Variants in HACE1 observed in about 807,000 individuals in gnomAD.
HACE1 encodes the protein HECT domain and ankyrin repeat containing E3 ubiquitin protein ligase 1, also known as E3 ubiquitin-protein ligase HACE1.
HACE1 carries 73 observed loss-of-function variants against 118.4 expected under a neutral mutation model. The ratio of observed to expected loss-of-function variants is 0.62; its 90% CI spans 0.51 to 0.75. The LOEUF (loss-of-function observed/expected upper bound fraction) is 0.75. HACE1 is among the 30% of genes least tolerant of loss of function. The pLI is 0.00. For synonymous variants in HACE1, 368 were observed against 374.8 expected (o/e 0.98, Z 0.21); for missense variants, 749 against 1,102.2 (o/e 0.68, Z 4.54).
chr6:104,770,073 T>C (rs543875420), intron 19 of HACE1, among the ~76,000 whole-genome samples: 1 of 152,204 alleles, frequency 6.6e-6, no homozygotes, highest in African/African-American at 2.4e-5. Context: ...TTCGAAGAAT[T>C]GTTAAACATA....
chr6:104,771,027 A>G (rs544518422), intron 19 of HACE1, among the ~76,000 whole-genome samples, 166 bp downstream of exon 19: 43 of 152,316 alleles, frequency 2.8e-4, no homozygotes, highest in African/African-American at 1.0e-3. Context: ...AATCCTTTCT[A>G]ATTCAAAATT....
At chr6:104,850,684 T>C (rs1435860664) in intron 3 of HACE1, among the ~76,000 whole-genome samples, 1 of 152,188 alleles carries the variant, frequency 6.6e-6, no homozygotes, top group Non-Finnish European at 1.5e-5. Flanking sequence ...CCTACTCTCA[T>C]CTGATATAAA....
At chr6:104,785,453 G>A (rs1782284776) in intron 11 of HACE1, 134 bp from the exon 12 acceptor site, 3 of 652,922 alleles carry the variant, frequency 4.6e-6, no homozygotes, top group East Asian at 5.4e-5. Flanking sequence ...CCAAGTTAAC[G>A]TGATAGTAAT....
intron 4 of HACE1, among the ~76,000 whole-genome samples, chr6:104,848,218 G>A (rs1490411677): frequency 6.6e-5 from 10 of 151,534 alleles, no homozygotes; most frequent in Non-Finnish European, 1.5e-5. Flanking sequence ...CACTTTGGGA[G>A]GCCGAGGTGG....
chr6:104,728,950 T>A lies in HACE1; in HGVS notation c.*712A>T, dbSNP rs1489355647. 6.6e-6 allele frequency: 1 copy of A among 152,578 alleles called. No homozygotes were observed. The highest frequency in any genetic ancestry group is 1.5e-5 in the Non-Finnish European group (1 of 68,004). 9.5% of individuals were successfully genotyped at this position (152,578 alleles called of 1,614,324 possible). A position where few individuals can be genotyped will look rare whatever the true frequency, so the allele number is the denominator to read the frequency against. ...AAAATACATTTTAATTTTACCTTCA[T>A]TATAAATTAAAATGAGGCGTAAGAA... On this transcript the variant is annotated 3_prime_UTR_variant, in exon 24 of 24. Coordinates refer to ENST00000262903, the MANE Select transcript of HACE1 (RefSeq NM_020771.4).
At chr6:104,802,883 T>C (rs1770538697) in intron 7 of HACE1, among the ~76,000 whole-genome samples, 1 of 151,838 alleles carries the variant, frequency 6.6e-6, no homozygotes, top group African/African-American at 2.4e-5. Context: ...CTGAAGGAAA[T>C]AGAGACACAA....
At chr6:104,831,980 G>GAAGAGAAGAAGGA (rs71003447) in intron 6 of HACE1, among the ~76,000 whole-genome samples, 1 of 62,862 alleles carries the variant, frequency 1.6e-5, no homozygotes, top group African/African-American at 7.4e-5. Context: ...GAAGAGAAGA[G>GAAGAGAAGAAGGA]AGGAAGGAAG....
chr6:104,812,211 G>A (rs1771697325), intron 6 of HACE1, among the ~76,000 whole-genome samples: 1 of 152,092 alleles, frequency 6.6e-6, no homozygotes, highest in East Asian at 1.9e-4. Context: ...TAAAACATGA[G>A]GCAATAGGTG....
chr6:104,776,089 T>C (rs188105855), intron 17 of HACE1, among the ~76,000 whole-genome samples: 97 of 152,342 alleles, frequency 6.4e-4, no homozygotes, highest in African/African-American at 1.2e-3. Flanking sequence ...TACGACTCTA[T>C]AGGGCACAAG....
At chr6:104,800,467 C>T (rs1205714451) in intron 7 of HACE1, among the ~76,000 whole-genome samples, 1 of 152,096 alleles carries the variant, frequency 6.6e-6, no homozygotes, top group African/African-American at 2.4e-5. Context: ...CTAGTAGGGG[C>T]AACAGACACC....
intron 14 of HACE1, 67 bp downstream of exon 14, chr6:104,784,019 A>C (rs1239365482): frequency 1.2e-6 from 1 of 818,306 alleles, no homozygotes; most frequent in Non-Finnish European, 2.2e-6. Flanking sequence ...TTATTCCACT[A>C]AACAGTATTA....
intron 4 of HACE1, among the ~76,000 whole-genome samples, chr6:104,848,387 T>C (rs375375582): frequency 1.0e-4 from 15 of 148,030 alleles, no homozygotes; most frequent in South Asian, 2.1e-4. Context: ...ACTCGGGAGA[T>C]AGAGGTTGCA....
intron 22 of HACE1, chr6:104,731,812 A>G (rs1488998663): frequency 3.3e-5 from 5 of 151,994 alleles, no homozygotes; most frequent in African/African-American, 1.2e-4. Context: ...GGATTTGGCA[A>G]CGATTTATTG....
At chr6:104,754,854 G>C (rs1374791093) in intron 19 of HACE1, among the ~76,000 whole-genome samples, 1 of 152,124 alleles carries the variant, frequency 6.6e-6, no homozygotes, top group Non-Finnish European at 1.5e-5. Flanking sequence ...ACTGACCAGT[G>C]ACACTATGAA....
At chr6:104,799,939 G>T in intron 7 of HACE1, among the ~76,000 whole-genome samples, 1 of 152,164 alleles carries the variant, frequency 6.6e-6, no homozygotes, top group East Asian at 1.9e-4. Flanking sequence ...AAGGGGTCAG[G>T]GGATTTCCCT....
At chr6:104,752,056 A>C (rs1778113624) in intron 19 of HACE1, among the ~76,000 whole-genome samples, 1 of 151,914 alleles carries the variant, frequency 6.6e-6, no homozygotes, top group South Asian at 2.1e-4. Flanking sequence ...TCAGAGCTAC[A>C]GAAGTGTCAC....
chr6:104,740,331 A>C (rs1243011881), intron 22 of HACE1, among the ~76,000 whole-genome samples: 1 of 150,904 alleles, frequency 6.6e-6, no homozygotes, highest in Non-Finnish European at 1.5e-5. Context: ...GCAGAACTGA[A>C]GGAAATAGAG....
At chr6:104,762,907 G>A (rs1053555834) in intron 19 of HACE1, among the ~76,000 whole-genome samples, 5 of 149,006 alleles carry the variant, frequency 3.4e-5, no homozygotes, top group Admixed American at 6.7e-5. Flanking sequence ...GGAAAATGGT[G>A]TGAACCTGGG....
At position 104,728,412 on chromosome 6, in the gene HACE1, T is replaced by C. The variant is rs1285340109; in HGVS notation, c.*1250A>G. 6.6e-6 allele frequency: 1 copy of C among 152,218 alleles called. No individual in the cohort carries two copies. Among genetic ancestry groups the C allele is most frequent in the Non-Finnish European group, 1.5e-5 (1 of 68,030 alleles). 9.4% of individuals were successfully genotyped at this position (152,218 alleles called of 1,614,324 possible). ...ATTTCATGTAATCTGTTAAGATATA[T>C]TTTGTTAACATTTAGAAAAGACAAG... On this transcript the variant is annotated 3_prime_UTR_variant, in exon 24 of 24. Transcript: ENST00000262903.
Sources: gnomAD v4.1 joint callset for allele counts (sites outside exome capture counted in the v4.1 genomes callset) on GRCh38, gnomAD v4.1.1 for gene constraint, MANE v1.5 for transcripts, NCBI Gene and HGNC (gene_info 2026-07-23, HGNC 2026-07-21) for gene names.